PAK3: variants seen among roughly 807,000 people sequenced by gnomAD.
The protein encoded by PAK3 is serine/threonine-protein kinase PAK 3.
PAK3 carries 4 observed loss-of-function variants against 41.0 expected under a neutral mutation model. The observed-to-expected ratio is 0.10, with a 90% CI of 0.05 to 0.22. The LOEUF (loss-of-function observed/expected upper bound fraction) is 0.22, where lower values mean the gene tolerates loss of function less well. Among genes scored for constraint, PAK3 ranks in the 10% least tolerant of loss-of-function variants. The pLI, the probability that PAK3 is intolerant of heterozygous loss-of-function variation, is 1.00. For synonymous variants in PAK3, 146 were observed against 139.6 expected (o/e 1.05, Z -0.32); for missense variants, 205 against 409.9 (o/e 0.50, Z 4.32).
At chrX:111,050,457 G>A (rs1428860822) in intron 1 of PAK3, among the ~76,000 whole-genome samples, 1 of 112,415 alleles carries the variant, frequency 8.9e-6, no homozygotes, top group Non-Finnish European at 1.9e-5. Flanking sequence ...GCTGTCAGCA[G>A]CAACAACTTA....
chrX:111,071,050 C>A (rs182218484), intron 1 of PAK3, among the ~76,000 whole-genome samples: 4 of 112,157 alleles, frequency 3.6e-5, no homozygotes, highest in African/African-American at 9.7e-5. Context: ...TCACATGCAA[C>A]CTGTCATTTT....
At chrX:110,967,618 T>A (rs916013462) in intron 1 of PAK3, among the ~76,000 whole-genome samples, 5 of 111,693 alleles carry the variant, frequency 4.5e-5, no homozygotes, top group African/African-American at 1.6e-4. Flanking sequence ...TCCAGGTATT[T>A]ATGTAAAATC....
chrX:111,092,442 T>A (rs1315247407), upstream of PAK3, among the ~76,000 whole-genome samples: 1 of 111,988 alleles, frequency 8.9e-6, no homozygotes, highest in Non-Finnish European at 1.9e-5. Flanking sequence ...CGTGCTGTTC[T>A]GCATTTTTTC....
intron 4 of PAK3, among the ~76,000 whole-genome samples, chrX:111,113,341 T>G (rs2093408021): frequency 9.0e-6 from 1 of 111,581 alleles, no homozygotes; most frequent in African/African-American, 3.3e-5. Flanking sequence ...AGATGTGTCT[T>G]TATTCTTCTC....
chrX:111,022,003 C>CA (rs2092191591), intron 1 of PAK3, among the ~76,000 whole-genome samples: 1 of 111,618 alleles, frequency 9.0e-6, no homozygotes, highest in Non-Finnish European at 1.9e-5. Flanking sequence ...TAAAAATGAA[C>CA]AAAGCCTCCA....
At chrX:110,951,929 C>T (rs2090753052) in intron 1 of PAK3, among the ~76,000 whole-genome samples, 1 of 112,322 alleles carries the variant, frequency 8.9e-6, no homozygotes, top group Non-Finnish European at 1.9e-5. Context: ...CTTCACTGAT[C>T]TCTGAGGTCA....
In PAK3 at chrX:111,137,827, T is replaced by C. The variant is rs2093812508; in HGVS notation, c.176-4269T>C. ...CTGAGTTCCAATAGAATATGGGAGG[T>C]ACACTTAGAAAGTGATACTTTTTTG... On this transcript the variant is annotated intron_variant, in intron 5 of 17. Coordinates refer to ENST00000372007, the MANE Select transcript of PAK3 (RefSeq NM_002578.5). Among the ~76,000 whole-genome samples, 4 of 111,406 alleles carry C rather than the reference T, an allele frequency of 3.6e-5. No individual in the cohort carries two copies. The Admixed American group carries it at 3.8e-4, about 11-fold the overall frequency.
At chrX:111,035,935 G>C (rs2092395301) in intron 1 of PAK3, among the ~76,000 whole-genome samples, 1 of 112,449 alleles carries the variant, frequency 8.9e-6, no homozygotes, top group Non-Finnish European at 1.9e-5. Context: ...GACTGAAACA[G>C]AGAGGTAAAT....
intron 1 of PAK3, among the ~76,000 whole-genome samples, chrX:111,049,312 C>T (rs2092532516): frequency 8.9e-6 from 1 of 112,069 alleles, no homozygotes; most frequent in African/African-American, 3.2e-5. Flanking sequence ...GTCAAATCAT[C>T]TTATTTATGT....
intron 1 of PAK3, among the ~76,000 whole-genome samples, chrX:111,038,879 G>A (rs752879519): frequency 1.8e-5 from 2 of 111,831 alleles, no homozygotes; most frequent in South Asian, 7.6e-4. Flanking sequence ...GAATTGGAGG[G>A]AGTTCTTTGA....
rs2094948331 is a variant in PAK3 at position 111,225,455 on chromosome X, C to T, written c.*5008C>T. On this transcript the variant is annotated 3_prime_UTR_variant, in exon 18 of 18. Transcript: ENST00000372007. Reference sequence around the variant, plus strand: ...ACTTTTGGAAACTGCTTAGTGCCATCGGAGTCTCCTTTAGAAGCTGCCATC... The same window carrying T: ...ACTTTTGGAAACTGCTTAGTGCCATTGGAGTCTCCTTTAGAAGCTGCCATC... 1 of 112,001 alleles carries T rather than the reference C, an allele frequency of 8.9e-6. No homozygotes were observed. 9.2% of individuals were successfully genotyped at this position (112,001 alleles called of 1,213,427 possible).
chrX:111,161,959 G>T (rs1167631768), intron 8 of PAK3, among the ~76,000 whole-genome samples: 1 of 111,767 alleles, frequency 8.9e-6, no homozygotes, highest in African/African-American at 3.3e-5. Flanking sequence ...AAACAGTGCA[G>T]ACCTAAGCCA....
At chrX:110,978,020 T>C (rs1303134088) in intron 1 of PAK3, among the ~76,000 whole-genome samples, 1 of 112,235 alleles carries the variant, frequency 8.9e-6, no homozygotes, top group Admixed American at 9.4e-5. Context: ...GCTGTGGGTT[T>C]TTCATAGATG....
chrX:111,018,478 G>A (rs2092123509), intron 1 of PAK3, among the ~76,000 whole-genome samples: 1 of 111,259 alleles, frequency 9.0e-6, no homozygotes. Context: ...TGAAGAAAAC[G>A]ATTTCATTTA....
At chrX:111,161,162 C>T (rs1352930554) in intron 8 of PAK3, among the ~76,000 whole-genome samples, 1 of 111,957 alleles carries the variant, frequency 8.9e-6, no homozygotes, top group African/African-American at 3.3e-5. Context: ...GCCATTCTAA[C>T]TGTTGTGAGA....
chrX:111,048,223 T>A (rs2092519502), intron 1 of PAK3, among the ~76,000 whole-genome samples: 2 of 111,523 alleles, frequency 1.8e-5, no homozygotes, highest in African/African-American at 6.5e-5. Context: ...TAGCCATTCC[T>A]TCTCAGTCTC....
intron 11 of PAK3, among the ~76,000 whole-genome samples, chrX:111,184,322 G>A (rs1018330389): frequency 2.7e-5 from 3 of 110,758 alleles, no homozygotes; most frequent in Non-Finnish European, 1.9e-5. Flanking sequence ...ATACACTGGA[G>A]AATTAGGAAT....
intron 16 of PAK3, among the ~76,000 whole-genome samples, chrX:111,203,183 A>G (rs771735423): frequency 8.9e-6 from 1 of 111,741 alleles, no homozygotes; most frequent in Admixed American, 9.5e-5. Flanking sequence ...CTCTTTGAAC[A>G]TGGTCGTCCA....
rs138565403 is a variant in PAK3, at chrX:111,032,239, C to A, written c.-28+87611C>A. On this transcript the variant is annotated intron_variant, in intron 1 of 14. Coordinates refer to the PAK3 transcript ENST00000425146. Reference sequence around the variant, plus strand: ...GAATAACACATTTCTTTTTGGCCACCATGTTGGCAGCTTTCATTCAGAAAC... The same window carrying A: ...GAATAACACATTTCTTTTTGGCCACAATGTTGGCAGCTTTCATTCAGAAAC... 4.2e-3 allele frequency among the ~76,000 whole-genome samples: 472 copies of A among 112,045 alleles called. 12 individuals are homozygous for A. The East Asian group carries it at 0.068, about 16-fold the overall frequency.
Sources: allele counts gnomAD v4.1 joint callset (sites outside exome capture counted in the v4.1 genomes callset), GRCh38; gene constraint gnomAD v4.1.1; transcripts MANE v1.5; gene names NCBI Gene and HGNC (gene_info 2026-07-23, HGNC 2026-07-21).